Variants in AKAP7 observed in about 807,000 individuals in gnomAD.
AKAP7 encodes A kinase (PRKA) anchor protein 7.
Under a neutral mutation model 39.5 loss-of-function variants are expected in AKAP7, and 39 were observed. That is an observed-to-expected ratio of 0.99 (90% CI 0.76 to 1.29). The LOEUF (loss-of-function observed/expected upper bound fraction) is 1.29. Ranked by LOEUF, AKAP7 falls within the 50% of genes most tolerant of loss-of-function variation. AKAP7 has a pLI of 0.00. For missense variants in AKAP7, 414 were observed against 407.7 expected, an observed-to-expected ratio of 1.02 and a Z score of -0.13; for synonymous variants, 140 against 139.1, an observed-to-expected ratio of 1.01 and a Z score of -0.05.
chr6:131,169,425 A>C (rs927311619), intron 5 of AKAP7, 152 bp downstream of exon 5: 1 of 860,988 alleles, frequency 1.2e-6, no homozygotes, highest in Admixed American at 2.6e-5. Flanking sequence ...AGTCTGAAGG[A>C]TTTCAGTGCT....
intron 7 of AKAP7, among the ~76,000 whole-genome samples, chr6:131,275,271 T>C (rs1048564602): frequency 2.6e-5 from 4 of 152,184 alleles, no homozygotes; most frequent in Non-Finnish European, 1.5e-5. Context: ...TACATTATCT[T>C]TAATCCTTAT....
chr6:131,181,854 G>T (rs113167334), intron 5 of AKAP7, among the ~76,000 whole-genome samples: 1 of 151,994 alleles, frequency 6.6e-6, no homozygotes, highest in Non-Finnish European at 1.5e-5. Flanking sequence ...ATTAGTTTTG[G>T]CTGGACATGC....
intron 7 of AKAP7, among the ~76,000 whole-genome samples, chr6:131,239,785 G>A (rs193067885): frequency 7.9e-5 from 12 of 152,224 alleles, no homozygotes; most frequent in African/African-American, 2.9e-4. Context: ...TCTCTGCATT[G>A]GTTATTCTAG....
At chr6:131,202,008 A>G (rs1807616288) in intron 6 of AKAP7, among the ~76,000 whole-genome samples, 1 of 152,240 alleles carries the variant, frequency 6.6e-6, no homozygotes, top group Admixed American at 6.5e-5. Context: ...ACACATGAAA[A>G]AATGGTCACC....
At chr6:131,159,384 A>C (rs374979879) in intron 2 of AKAP7, among the ~76,000 whole-genome samples, 151 of 152,274 alleles carry the variant, frequency 9.9e-4, no homozygotes, top group South Asian at 3.5e-3. Context: ...TGAGCCACCG[A>C]GCCTGGCCAA....
intron 6 of AKAP7, among the ~76,000 whole-genome samples, chr6:131,219,223 G>A (rs1809480621): frequency 6.6e-6 from 1 of 151,182 alleles, no homozygotes; most frequent in South Asian, 2.1e-4. Context: ...CCTGGAGGTG[G>A]AGGTTGCAGT....
At chr6:131,129,271 A>G in the AKAP7 span, among the ~76,000 whole-genome samples, 1 of 132,374 alleles carries the variant, frequency 7.6e-6, no homozygotes, top group African/African-American at 2.8e-5. Flanking sequence ...TGGGTGACAG[A>G]GCAAGACTCT....
chr6:131,157,521 A>G (rs1562870355), intron 2 of AKAP7, among the ~76,000 whole-genome samples: 2 of 152,208 alleles, frequency 1.3e-5, no homozygotes, highest in Admixed American at 1.3e-4. Flanking sequence ...TAAAATTAGT[A>G]TATTCATATT....
chr6:131,173,865 G>C (rs1020021125), intron 5 of AKAP7, among the ~76,000 whole-genome samples: 2 of 152,046 alleles, frequency 1.3e-5, no homozygotes, highest in Non-Finnish European at 2.9e-5. Flanking sequence ...TAATTCACTG[G>C]GTGCTTGCAA....
At chr6:131,247,718 T>C (rs1265415359) in intron 7 of AKAP7, among the ~76,000 whole-genome samples, 1 of 152,084 alleles carries the variant, frequency 6.6e-6, no homozygotes, top group East Asian at 1.9e-4. Context: ...AACCTTGAAC[T>C]CCTGGGCTCA....
At chr6:131,219,534 C>T (rs1809515392) in intron 6 of AKAP7, 127 bp from the exon 7 acceptor site, 2 of 789,790 alleles carry the variant, frequency 2.5e-6, no homozygotes, top group African/African-American at 3.7e-5. Context: ...ATATCCATTT[C>T]AAGTGCCAGT....
intron 7 of AKAP7, among the ~76,000 whole-genome samples, chr6:131,248,640 A>G (rs1812219583): frequency 6.6e-6 from 1 of 152,170 alleles, no homozygotes; most frequent in Admixed American, 6.5e-5. Context: ...GGTGTTTCCT[A>G]GCTGGGTAGT....
intron 1 of AKAP7, among the ~76,000 whole-genome samples, chr6:131,141,070 C>A (rs1800987904): frequency 1.3e-5 from 2 of 152,060 alleles, no homozygotes; most frequent in Non-Finnish European, 2.9e-5. Flanking sequence ...TGGCATTGAA[C>A]TTAATTAATT....
intron 7 of AKAP7, chr6:131,250,464 AGTG>A: frequency 6.3e-7 from 1 of 1,583,082 alleles, no homozygotes; most frequent in Non-Finnish European, 8.6e-7. Context: ...TGCTCCGTGG[AGTG>A]AAAAAGGCAG....
At chr6:131,198,078 T>C (rs1807135792) in intron 5 of AKAP7, among the ~76,000 whole-genome samples, 1 of 152,194 alleles carries the variant, frequency 6.6e-6, no homozygotes, top group African/African-American at 2.4e-5. Context: ...TCTGGACATA[T>C]TCCAAAGGCC....
chr6:131,157,529 A>G (rs1187880051), intron 2 of AKAP7, among the ~76,000 whole-genome samples: 1 of 152,204 alleles, frequency 6.6e-6, no homozygotes, highest in African/African-American at 2.4e-5. Context: ...GTATATTCAT[A>G]TTACTGCAGT....
rs1245317316 is a variant in AKAP7 at position 131,282,557 on chromosome 6, A to G, written c.*831A>G. 3.9e-6 allele frequency: 6 copies of G among 1,535,752 alleles called. No homozygotes were observed. Among genetic ancestry groups the G allele is most frequent in the Non-Finnish European group, 5.2e-6 (6 of 1,146,788 alleles). ...GCTTTTTGAAGGAAGACTTATTAAC[A>G]ACAGTAATTCAGCAAATGACGTTGA... On this transcript the variant is annotated 3_prime_UTR_variant, in exon 8 of 8. Coordinates refer to ENST00000431975, the MANE Select transcript of AKAP7 (RefSeq NM_016377.4).
intron 6 of AKAP7, among the ~76,000 whole-genome samples, chr6:131,205,612 G>T (rs1400162843): frequency 6.6e-6 from 1 of 152,188 alleles, no homozygotes; most frequent in Non-Finnish European, 1.5e-5. Flanking sequence ...TTCTGTGACA[G>T]CATGATATTC....
At chr6:131,181,364 C>A (rs1805219893) in intron 5 of AKAP7, among the ~76,000 whole-genome samples, 1 of 152,178 alleles carries the variant, frequency 6.6e-6, no homozygotes, top group Non-Finnish European at 1.5e-5. Flanking sequence ...TCATCAAATG[C>A]TGTAAATTTT....
Sources: allele counts gnomAD v4.1 joint callset (sites outside exome capture counted in the v4.1 genomes callset), GRCh38; gene constraint gnomAD v4.1.1; transcripts MANE v1.5; gene names NCBI Gene and HGNC (gene_info 2026-07-23, HGNC 2026-07-21).